Variants in MRPS35 observed in about 807,000 individuals in gnomAD.
The protein encoded by MRPS35 is mitochondrial ribosomal protein S35, also known as small ribosomal subunit protein mS35.
In MRPS35, 29 loss-of-function variants were observed where a neutral mutation model predicts 32.7. That is an observed-to-expected ratio of 0.89 (90% CI 0.66 to 1.21). The LOEUF (loss-of-function observed/expected upper bound fraction) is 1.21, where lower values mean the gene tolerates loss of function less well. Ranked by LOEUF, MRPS35 falls within the 50% of genes most tolerant of loss-of-function variation. MRPS35 has a pLI of 0.00. For synonymous variants in MRPS35, 148 were observed against 139.3 expected, an observed-to-expected ratio of 1.06 and a Z score of -0.44; for missense variants, 373 against 383.8, an observed-to-expected ratio of 0.97 and a Z score of 0.23.
At chr12:27,740,979 C>T (rs1296683290) in intron 7 of MRPS35, among the ~76,000 whole-genome samples, 3 of 151,960 alleles carry the variant, frequency 2.0e-5, no homozygotes, top group Non-Finnish European at 4.4e-5. Context: ...CCACCCTGGG[C>T]AACATGATGA....
At chr12:27,719,996 C>T in intron 4 of MRPS35, 128 bp downstream of exon 4, 1 of 681,182 alleles carries the variant, frequency 1.5e-6, no homozygotes, top group Non-Finnish European at 2.5e-6. Flanking sequence ...GTCAAGTCTG[C>T]AAATTGTTTT....
intron 3 of MRPS35, among the ~76,000 whole-genome samples, chr12:27,718,129 A>C (rs1340681402): frequency 6.6e-6 from 1 of 152,202 alleles, no homozygotes; most frequent in Non-Finnish European, 1.5e-5. Context: ...CTCTTGATTA[A>C]AACAATATTT....
At chr12:27,733,027 T>C (rs891690170) in intron 5 of MRPS35, among the ~76,000 whole-genome samples, 2 of 60,146 alleles carry the variant, frequency 3.3e-5, no homozygotes, top group African/African-American at 6.1e-5. Flanking sequence ...TATATATATA[T>C]ATATATATAT....
intron 5 of MRPS35, among the ~76,000 whole-genome samples, chr12:27,732,383 C>A (rs796931305): frequency 3.3e-5 from 5 of 152,290 alleles, no homozygotes; most frequent in African/African-American, 1.2e-4. Context: ...TTCCTCTTGT[C>A]CTCTCTGTGC....
chr12:27,730,777 T>C (rs756789058), intron 5 of MRPS35, among the ~76,000 whole-genome samples: 6 of 152,144 alleles, frequency 3.9e-5, no homozygotes, highest in Non-Finnish European at 7.4e-5. Flanking sequence ...GGCCATGATT[T>C]GTCAGTGATG....
intron 5 of MRPS35, among the ~76,000 whole-genome samples, chr12:27,731,063 T>G (rs2061920318): frequency 1.3e-5 from 2 of 152,246 alleles, no homozygotes. Flanking sequence ...TTTTACACTA[T>G]GTGTCATAAT....
chr12:27,727,690 TA>T (rs1216075577), intron 5 of MRPS35, among the ~76,000 whole-genome samples: 1 of 152,184 alleles, frequency 6.6e-6, no homozygotes, highest in Non-Finnish European at 1.5e-5. Flanking sequence ...TTCAAGGTCA[TA>T]AAAGATTCAC....
At chr12:27,739,180 G>C (rs1270576638) in intron 7 of MRPS35, among the ~76,000 whole-genome samples, 1 of 152,188 alleles carries the variant, frequency 6.6e-6, no homozygotes, top group Non-Finnish European at 1.5e-5. Context: ...TTACAGTTGT[G>C]AGCCACCATG....
At chr12:27,729,147 T>C (rs77474622) in intron 5 of MRPS35, among the ~76,000 whole-genome samples, 10,504 of 152,224 alleles carry the variant, frequency 0.069, 605 homozygotes, top group Non-Finnish European at 0.097. Context: ...TGGGAACTCT[T>C]TTAAGTTGGT....
intron 1 of MRPS35, among the ~76,000 whole-genome samples, chr12:27,714,089 AAAAAAG>A (rs1292164542): frequency 2.6e-5 from 4 of 151,878 alleles, no homozygotes; most frequent in Admixed American, 6.6e-5. Flanking sequence ...AAAAAAAAAA[AAAAAAG>A]AAAGAAAGAG....
chr12:27,714,053 C>T lies in MRPS35; in HGVS notation c.113-727C>T, dbSNP rs972775824. ...TTGCACCACTGCAATCCAGCCTGGGCGAGAGTGAGATGACCTTGTCTCAAA... is the reference window on the plus strand; with the variant it reads ...TTGCACCACTGCAATCCAGCCTGGGTGAGAGTGAGATGACCTTGTCTCAAA... On this transcript the variant is annotated intron_variant, in intron 1 of 7. Transcript: ENST00000081029. Among the ~76,000 whole-genome samples the T allele has an allele frequency of 6.4e-5, 8 of 124,286 alleles. No individual in the cohort carries two copies. The South Asian group carries it at 7.4e-4, about 12-fold the overall frequency. 81.5% of individuals were successfully genotyped at this position (124,286 alleles called of 152,430 possible).
At chr12:27,750,467 T>C (rs1242208364) in intron 7 of MRPS35, among the ~76,000 whole-genome samples, 1 of 152,242 alleles carries the variant, frequency 6.6e-6, no homozygotes, top group African/African-American at 2.4e-5. Flanking sequence ...GGAATTCTTA[T>C]TCAGCTGTGC....
chr12:27,722,798 ATTTG>A (rs1328082803), intron 4 of MRPS35, among the ~76,000 whole-genome samples: 1 of 152,204 alleles, frequency 6.6e-6, no homozygotes, highest in African/African-American at 2.4e-5. Context: ...ACTATGTTTA[ATTTG>A]TTAACATGTT....
At chr12:27,730,942 G>A (rs185477820) in intron 5 of MRPS35, among the ~76,000 whole-genome samples, 1 of 152,270 alleles carries the variant, frequency 6.6e-6, no homozygotes, top group East Asian at 1.9e-4. Flanking sequence ...CCACTTCTTT[G>A]AGAAAGAAGT....
At chr12:27,739,482 T>C (rs1213726302) in intron 7 of MRPS35, among the ~76,000 whole-genome samples, 1 of 152,182 alleles carries the variant, frequency 6.6e-6, no homozygotes, top group Non-Finnish European at 1.5e-5. Flanking sequence ...AGAAAAAAAC[T>C]TGGTTGTGAG....
intron 7 of MRPS35, among the ~76,000 whole-genome samples, chr12:27,747,680 T>C (rs142344018): frequency 6.8e-4 from 104 of 151,900 alleles, no homozygotes; most frequent in African/African-American, 2.2e-3. Flanking sequence ...GCAAAGAGAG[T>C]TGTAAATAAG....
At position 27,716,420 on chromosome 12, in the gene MRPS35, G is replaced by C; in HGVS notation, c.283G>C (p.Val95Leu). 1.2e-6 allele frequency: 2 copies of C among 1,614,038 alleles called. No individual in the cohort carries two copies. The highest frequency in any genetic ancestry group is 1.7e-6 in the Non-Finnish European group (2 of 1,180,016). ...AATGGGTTATCCAGTAAAAAAGGGC[G>C]TGCCCATGGCAAAGGAGGGAAATCT... is the stretch of plus-strand genomic sequence containing the variant. ...VRMGYPVKKG[V>L]PMAKEGNLEL... The change falls in exon 3 of 8, where the codon GTG becomes CTG. Residue 95 changes from valine (V) to leucine (L), a missense_variant. Transcript: ENST00000081029.
chr12:27,719,429 G>C (rs1032869183), intron 3 of MRPS35, among the ~76,000 whole-genome samples: 1 of 152,166 alleles, frequency 6.6e-6, no homozygotes, highest in Non-Finnish European at 1.5e-5. Flanking sequence ...CACTTTGGGA[G>C]GCCGAGGCGG....
chr12:27,745,569 T>C (rs552911125), intron 7 of MRPS35, among the ~76,000 whole-genome samples: 2 of 126,178 alleles, frequency 1.6e-5, no homozygotes, highest in East Asian at 4.0e-4. Flanking sequence ...CCTGGGAAGC[T>C]TTTTTTTTTT....
Sources: gnomAD v4.1 joint callset for allele counts (sites outside exome capture counted in the v4.1 genomes callset) on GRCh38, gnomAD v4.1.1 for gene constraint, MANE v1.5 for transcripts, NCBI Gene and HGNC (gene_info 2026-07-23, HGNC 2026-07-21) for gene names.